ADGRB3: variants seen among roughly 807,000 people sequenced by gnomAD.
The protein encoded by ADGRB3 is adhesion G protein-coupled receptor B3.
In ADGRB3, 37 loss-of-function variants were observed where a neutral mutation model predicts 193.4. The ratio of observed to expected loss-of-function variants is 0.19; its 90% CI spans 0.15 to 0.25. The LOEUF (loss-of-function observed/expected upper bound fraction) is 0.25, where lower values mean the gene tolerates loss of function less well. Ranked by LOEUF, ADGRB3 falls within the 10% of genes least tolerant of loss-of-function variation. The pLI is 1.00. For synonymous variants in ADGRB3, 690 were observed against 644.2 expected, an observed-to-expected ratio of 1.07 and a Z score of -1.08; for missense variants, 1,637 against 1,852.9, an observed-to-expected ratio of 0.88 and a Z score of 2.14.
chr6:68,985,382 T>C (rs530453462), intron 10 of ADGRB3, among the ~76,000 whole-genome samples: 1 of 152,312 alleles, frequency 6.6e-6, no homozygotes, highest in African/African-American at 2.4e-5. Context: ...TTTTGATGAA[T>C]CAATCCATTG....
chr6:69,163,261 A>G (rs533600047), intron 17 of ADGRB3, among the ~76,000 whole-genome samples: 3 of 152,104 alleles, frequency 2.0e-5, no homozygotes, highest in African/African-American at 7.2e-5. Flanking sequence ...TGTTTTTCTT[A>G]CTACTACTTT....
intron 3 of ADGRB3, among the ~76,000 whole-genome samples, chr6:68,778,510 A>G (rs1348001692): frequency 6.6e-6 from 1 of 152,110 alleles, no homozygotes; most frequent in East Asian, 1.9e-4. Flanking sequence ...ACAAACTTGA[A>G]CACACTGTAT....
chr6:69,265,758 G>C (rs115170375), intron 20 of ADGRB3, among the ~76,000 whole-genome samples: 226 of 152,028 alleles, frequency 1.5e-3, no homozygotes, highest in African/African-American at 5.0e-3. Flanking sequence ...CCCAAATGCT[G>C]TCTCTACATG....
Position 68,705,865 on chromosome 6 carries a change from T to C in ADGRB3, c.757+66433T>C, listed in dbSNP as rs373305913. Among the ~76,000 whole-genome samples the C allele has an allele frequency of 3.2e-4, 49 of 152,162 alleles. No homozygotes were observed. In the East Asian group the frequency reaches 7.0e-3, roughly 22 times the overall value. On this transcript the variant is annotated intron_variant, in intron 3 of 31. Transcript: ENST00000370598. ...AGACAGAAGGGTGGGAGTCAGTAGA[T>C]AGAAAATTACAAAGAGGAAACATCA...
intron 17 of ADGRB3, among the ~76,000 whole-genome samples, chr6:69,137,639 AT>A (rs1327793401): frequency 6.6e-6 from 1 of 152,096 alleles, no homozygotes; most frequent in African/African-American, 2.4e-5. Flanking sequence ...TCTACTAAAA[AT>A]ACAAAAATTA....
intron 17 of ADGRB3, among the ~76,000 whole-genome samples, chr6:69,135,177 G>T (rs1425249920): frequency 2.0e-5 from 3 of 151,894 alleles, no homozygotes; most frequent in South Asian, 2.1e-4. Flanking sequence ...AAGTACCAGA[G>T]CTGATTATGC....
intron 17 of ADGRB3, chr6:69,232,266 A>G: frequency 2.1e-6 from 1 of 486,026 alleles, no homozygotes; most frequent in East Asian, 4.0e-5. Flanking sequence ...TGAGCTCTAT[A>G]GCATTTTTTT....
At chr6:68,801,981 A>C (rs1007118044) in intron 3 of ADGRB3, among the ~76,000 whole-genome samples, 7 of 152,282 alleles carry the variant, frequency 4.6e-5, no homozygotes, top group Non-Finnish European at 1.0e-4. Flanking sequence ...TGACCCCAAA[A>C]AATTGTATCA....
At chr6:68,702,242 A>G (rs1043370920) in intron 3 of ADGRB3, among the ~76,000 whole-genome samples, 1 of 151,666 alleles carries the variant, frequency 6.6e-6, no homozygotes, top group African/African-American at 2.4e-5. Context: ...AGAGGGAGGG[A>G]AGTACTACAC....
intron 3 of ADGRB3, among the ~76,000 whole-genome samples, chr6:68,844,353 A>C (rs980412049): frequency 6.6e-6 from 1 of 152,210 alleles, no homozygotes; most frequent in Admixed American, 6.5e-5. Flanking sequence ...CCAATTTAAA[A>C]ATGGGTAAAA....
chr6:68,767,792 C>T (rs1156285674), intron 3 of ADGRB3, among the ~76,000 whole-genome samples: 1 of 152,114 alleles, frequency 6.6e-6, no homozygotes, highest in Non-Finnish European at 1.5e-5. Context: ...TGTAAAACCC[C>T]ATCGTCTCAG....
At chr6:68,655,218 C>T (rs1768463384) in intron 3 of ADGRB3, among the ~76,000 whole-genome samples, 1 of 151,560 alleles carries the variant, frequency 6.6e-6, no homozygotes, top group South Asian at 2.1e-4. Flanking sequence ...AAGGGTCAGA[C>T]TCCCTGGGTT....
At chr6:68,724,915 G>A (rs73463928) in intron 3 of ADGRB3, among the ~76,000 whole-genome samples, 5,923 of 151,590 alleles carry the variant, frequency 0.039, 236 homozygotes, top group African/African-American at 0.096. Context: ...TGCAACTAGC[G>A]TACACACCAG....
chr6:69,004,606 C>T (rs539057902), intron 11 of ADGRB3, among the ~76,000 whole-genome samples: 52 of 142,044 alleles, frequency 3.7e-4, no homozygotes, highest in South Asian at 1.9e-3. Context: ...ATGTTCCCCA[C>T]CCTGTGTCCA....
chr6:69,244,999 C>T (rs1183781413), intron 20 of ADGRB3, among the ~76,000 whole-genome samples: 31 of 152,046 alleles, frequency 2.0e-4, no homozygotes, highest in Admixed American at 2.0e-3. Context: ...ACTAAATTCA[C>T]CATTTCTGTC....
intron 8 of ADGRB3, among the ~76,000 whole-genome samples, chr6:68,965,624 A>T (rs1198529172): frequency 6.6e-6 from 1 of 152,150 alleles, no homozygotes; most frequent in Non-Finnish European, 1.5e-5. Context: ...ATTAACAGCT[A>T]ATCACTAGGT....
chr6:68,776,376 A>G (rs1766747334), intron 3 of ADGRB3, among the ~76,000 whole-genome samples: 1 of 152,212 alleles, frequency 6.6e-6, no homozygotes, highest in Admixed American at 6.6e-5. Flanking sequence ...ATAAAGTTTC[A>G]TATGCCTTGT....
At chr6:69,325,941 C>T (rs1001731179) in intron 21 of ADGRB3, among the ~76,000 whole-genome samples, 3 of 152,146 alleles carry the variant, frequency 2.0e-5, no homozygotes, top group East Asian at 3.9e-4. Context: ...TGGTGGCTCA[C>T]GCCTGTAATC....
At chr6:69,142,974 G>C (rs1050931906) in intron 17 of ADGRB3, among the ~76,000 whole-genome samples, 2 of 152,104 alleles carry the variant, frequency 1.3e-5, no homozygotes, top group Non-Finnish European at 1.5e-5. Flanking sequence ...CTCCATAGTG[G>C]TTATACTAAT....
Sources: gnomAD v4.1 joint callset for allele counts (sites outside exome capture counted in the v4.1 genomes callset) on GRCh38, gnomAD v4.1.1 for gene constraint, MANE v1.5 for transcripts, NCBI Gene and HGNC (gene_info 2026-07-23, HGNC 2026-07-21) for gene names.